TNNI3K: variants seen among roughly 807,000 people sequenced by gnomAD.
The protein encoded by TNNI3K is TNNI3 interacting kinase, also known as serine/threonine-protein kinase TNNI3K.
In TNNI3K, 140 loss-of-function variants were observed where a neutral mutation model predicts 114.5. The observed-to-expected ratio is 1.22, with a 90% CI of 1.07 to 1.41. TNNI3K has a LOEUF of 1.41. TNNI3K is among the 40% of genes most tolerant of loss of function. The pLI is 0.00. For missense variants in TNNI3K, 1,125 were observed against 1,007.6 expected (o/e 1.12, Z -1.58); for synonymous variants, 347 against 347.5 (o/e 1.00, Z 0.02).
intron 21 of TNNI3K, among the ~76,000 whole-genome samples, chr1:74,473,586 T>C (rs79844776): frequency 0.012 from 1,809 of 152,118 alleles, 25 homozygotes; most frequent in African/African-American, 0.037. Context: ...AATTAACTTT[T>C]AGTAGACAGG....
chr1:74,353,764 C>T (rs944867148), intron 10 of TNNI3K, among the ~76,000 whole-genome samples: 3 of 151,912 alleles, frequency 2.0e-5, no homozygotes, highest in Non-Finnish European at 4.4e-5. Context: ...GAGGAAAAGA[C>T]AGTCTCTGTA....
chr1:74,271,570 G>A (rs1416384745), intron 4 of TNNI3K, 28 bp from the exon 5 acceptor site: 10 of 1,566,744 alleles, frequency 6.4e-6, no homozygotes, highest in South Asian at 1.2e-5. Context: ...TAGCAGAAAA[G>A]TAACACTAAA....
At chr1:74,502,099 A>T (rs1269770975) in intron 23 of TNNI3K, among the ~76,000 whole-genome samples, 3 of 152,200 alleles carry the variant, frequency 2.0e-5, no homozygotes, top group Non-Finnish European at 4.4e-5. Flanking sequence ...ATCTATTAAA[A>T]TTCATGCTAT....
chr1:74,259,218 G>A lies in TNNI3K; in HGVS notation c.333+8449G>A, dbSNP rs149075469. ...GAGCCCAAAAGTCCCACGATCTTCCGTCTATAAGCTGGAGAATCAGGAAAG... is the reference window on the plus strand; with the variant it reads ...GAGCCCAAAAGTCCCACGATCTTCCATCTATAAGCTGGAGAATCAGGAAAG... On this transcript the variant is annotated intron_variant, in intron 4 of 24. Coordinates refer to ENST00000326637, the MANE Select transcript of TNNI3K (RefSeq NM_015978.3). Among the ~76,000 whole-genome samples the A allele has an allele frequency of 5.1e-3, 770 of 152,222 alleles. 9 individuals are homozygous for A. Among genetic ancestry groups the A allele is most frequent in the African/African-American group, 0.018 (732 of 41,528 alleles).
chr1:74,531,629 C>G (rs1331448469), intron 23 of TNNI3K, among the ~76,000 whole-genome samples: 1 of 152,152 alleles, frequency 6.6e-6, no homozygotes, highest in East Asian at 1.9e-4. Flanking sequence ...ATTTATTATC[C>G]TAGTGTAAAC....
intron 20 of TNNI3K, among the ~76,000 whole-genome samples, chr1:74,446,645 G>A (rs902776687): frequency 1.3e-5 from 2 of 150,348 alleles, no homozygotes; most frequent in Non-Finnish European, 2.9e-5. Flanking sequence ...TAATGCCAAG[G>A]TTTTCTTCTA....
At chr1:74,265,040 G>A (rs986831970) in intron 4 of TNNI3K, among the ~76,000 whole-genome samples, 2 of 152,012 alleles carry the variant, frequency 1.3e-5, no homozygotes, top group Non-Finnish European at 2.9e-5. Context: ...AATTGGTGGG[G>A]AGGGAGAAAT....
chr1:74,540,614 A>T (rs1570760507), intron 24 of TNNI3K, among the ~76,000 whole-genome samples: 1 of 152,042 alleles, frequency 6.6e-6, no homozygotes, highest in South Asian at 2.1e-4. Flanking sequence ...TTTAAAAAAA[A>T]AAAAAAACTC....
At chr1:74,443,591 C>A (rs1666483387) in intron 20 of TNNI3K, among the ~76,000 whole-genome samples, 1 of 152,146 alleles carries the variant, frequency 6.6e-6, no homozygotes, top group South Asian at 2.1e-4. Flanking sequence ...CAAAGAGGAG[C>A]TGGTACCATT....
At chr1:74,345,158 A>G (rs1660939313) in intron 9 of TNNI3K, among the ~76,000 whole-genome samples, 1 of 152,146 alleles carries the variant, frequency 6.6e-6, no homozygotes. Flanking sequence ...GCAATGAATC[A>G]ATATTAAATG....
intron 23 of TNNI3K, among the ~76,000 whole-genome samples, chr1:74,495,476 G>C (rs1226390835): frequency 6.6e-6 from 1 of 152,072 alleles, no homozygotes; most frequent in African/African-American, 2.4e-5. Flanking sequence ...CAATAAACAG[G>C]AATTATTTTT....
At chr1:74,446,027 T>A (rs898694812) in intron 20 of TNNI3K, among the ~76,000 whole-genome samples, 7 of 151,994 alleles carry the variant, frequency 4.6e-5, no homozygotes, top group Non-Finnish European at 7.4e-5. Flanking sequence ...TATAGCAGCA[T>A]GATTTATAGT....
chr1:74,490,050 TAAAAAAAAAAA>T (rs36063099), intron 22 of TNNI3K, among the ~76,000 whole-genome samples: 2 of 42,892 alleles, frequency 4.7e-5, no homozygotes, highest in East Asian at 1.5e-3. Context: ...TTTTTTTTTC[TAAAAAAAAAAA>T]AAAAAAAAAA....
chr1:74,415,895 T>C (rs1244472945), intron 17 of TNNI3K, among the ~76,000 whole-genome samples: 1 of 152,204 alleles, frequency 6.6e-6, no homozygotes. Context: ...CAGCTACTAC[T>C]GGTATGCAGA....
chr1:74,325,474 CT>C (rs1659846584), intron 5 of TNNI3K, among the ~76,000 whole-genome samples: 2 of 152,186 alleles, frequency 1.3e-5, no homozygotes, highest in South Asian at 4.1e-4. Flanking sequence ...GAATTAGAAA[CT>C]GTGTCCCTGG....
intron 20 of TNNI3K, among the ~76,000 whole-genome samples, chr1:74,456,357 G>T (rs1667226349): frequency 6.6e-6 from 1 of 152,116 alleles, no homozygotes. Flanking sequence ...AAGGAGCCAA[G>T]GTGTGAAGCC....
intron 5 of TNNI3K, 122 bp from the exon 6 acceptor site, chr1:74,331,328 A>C: frequency 1.1e-6 from 1 of 934,094 alleles, no homozygotes; most frequent in Non-Finnish European, 1.6e-6. Context: ...AGGTGGATGG[A>C]AGAAAGTTGT....
intron 5 of TNNI3K, among the ~76,000 whole-genome samples, chr1:74,283,758 A>G (rs485414): frequency 0.14 from 21,073 of 152,144 alleles, 1,542 homozygotes; most frequent in South Asian, 0.25. Context: ...TAGGTCCTCT[A>G]TACATATATA....
intron 6 of TNNI3K, among the ~76,000 whole-genome samples, chr1:74,335,342 C>A (rs896565763): frequency 7.9e-5 from 12 of 152,096 alleles, no homozygotes; most frequent in African/African-American, 2.9e-4. Flanking sequence ...ATGATATTAC[C>A]CCTCACGTTA....
Sources: gnomAD v4.1 joint callset for allele counts (sites outside exome capture counted in the v4.1 genomes callset) on GRCh38, gnomAD v4.1.1 for gene constraint, MANE v1.5 for transcripts, NCBI Gene and HGNC (gene_info 2026-07-23, HGNC 2026-07-21) for gene names.